FN1: variants seen among roughly 807,000 people sequenced by gnomAD.
FN1 encodes fibronectin 1, also known as fibronectin.
A neutral mutation model predicts 297.3 loss-of-function variants in FN1; 106 were observed. That is an observed-to-expected ratio of 0.36 (90% confidence interval 0.30 to 0.42). The LOEUF (loss-of-function observed/expected upper bound fraction) is 0.42. Ranked by LOEUF, FN1 falls within the 10% of genes least tolerant of loss-of-function variation. The pLI, the probability that FN1 is intolerant of heterozygous loss-of-function variation, is 1.00. For missense variants in FN1, 2,690 were observed against 3,124.9 expected, an observed-to-expected ratio of 0.86 and a Z score of 3.32; for synonymous variants, 1,149 against 1,152.6, an observed-to-expected ratio of 1.00 and a Z score of 0.06.
Position 215,431,911 on chromosome 2 carries a change from G to C in FN1, c.469C>G (p.Pro157Ala), listed in dbSNP as rs764602317. The C allele has an allele frequency of 1.9e-6, 3 of 1,614,004 alleles. No individual in the cohort carries two copies. The Admixed American group carries it at 5.0e-5, about 27-fold the overall frequency. The change falls in exon 4 of 46, where the codon CCA (proline) becomes GCA (alanine). Residue 157 changes from proline (P) to alanine (A), a missense_variant. Pro to Ala is a conservative substitution (Grantham distance 27). Coordinates refer to ENST00000354785, the MANE Select transcript of FN1 (RefSeq NM_212482.4). ...SYKIGDTWRR[P>A]HETGGYMLEC... ...AACATGTAACCACCAGTCTCATGTG[G>C]TCTCCTCCAGGTGTCACCAATCTTG... is the stretch of plus-strand genomic sequence containing the variant.
At position 215,409,809 on chromosome 2, in the gene FN1, A is replaced by G; in HGVS notation, c.2123-70T>C. 5 of 1,597,446 alleles carry G rather than the reference A, an allele frequency of 3.1e-6. No homozygotes were observed. In the East Asian group the frequency reaches 8.9e-5, roughly 29 times the overall value. ...AAAATTTACCGTCCTCGTCGCCAAC[A>G]TCATTTTAAAAAACGTTGGTGCCCC... On this transcript the variant is annotated intron_variant, in intron 14 of 45. Transcript: ENST00000354785.
intron 32 of FN1, chr2:215,381,371 T>G (rs1360185178): frequency 2.2e-6 from 1 of 447,006 alleles, no homozygotes; most frequent in African/African-American, 2.0e-5. Context: ...TCTACCACGA[T>G]TTGATTTTTA....
chr2:215,394,662 A>G lies in FN1; in HGVS notation c.3662T>C (p.Leu1221Ser), dbSNP rs2106113764. 1 of 1,614,178 alleles carries G rather than the reference A, an allele frequency of 6.2e-7. No individual in the cohort carries two copies. Among genetic ancestry groups the G allele is most frequent in the African/African-American group, 1.3e-5 (1 of 75,052 alleles). ...CTGATCAGCATGGACCACTTCTTCCAAAGAATTTCCCTGCTGGCCGTTTGT... is the reference window on the plus strand; with the variant it reads ...CTGATCAGCATGGACCACTTCTTCCGAAGAATTTCCCTGCTGGCCGTTTGT... ...TPTNGQQGNSLEEVVHADQSS... is the reference protein window; with the variant it reads ...TPTNGQQGNSSEEVVHADQSS... The change falls in exon 24 of 46, where the codon TTG becomes TCG. Residue 1221 changes from leucine (L) to serine (S), a missense_variant. This residue lies in a region of FN1 where 1,743 missense variants were observed against 1,945.2 expected (regional missense o/e 0.90). Coordinates refer to ENST00000354785, the MANE Select transcript of FN1 (RefSeq NM_212482.4).
intron 26 of FN1, among the ~76,000 whole-genome samples, 160 bp downstream of exon 26, chr2:215,391,472 T>G (rs1365240171): frequency 6.6e-6 from 1 of 152,232 alleles, no homozygotes; most frequent in African/African-American, 2.4e-5. Flanking sequence ...CAACAAACAT[T>G]ACATCTTTCA....
Position 215,381,050 on chromosome 2 carries a change from G to T in FN1, c.5195C>A (p.Thr1732Asn). ...NIDRPKGLAF[T>N]DVDVDSIKIA... ...TTTGATGGAATCGACATCCACATCA[G>T]TGAATGCCAGTCCTTTAGGGCGATC... The change falls in exon 33 of 46, where the codon ACT (threonine) becomes AAT (asparagine). Residue 1732 changes from threonine to asparagine, a missense_variant. Thr to Asn is a moderately conservative substitution (Grantham distance 65). Transcript: ENST00000354785. 1 of 1,614,188 alleles carries T rather than the reference G, an allele frequency of 6.2e-7. No homozygotes were observed. The highest frequency in any genetic ancestry group is 8.5e-7 in the Non-Finnish European group (1 of 1,180,004).
intron 24 of FN1, chr2:215,393,446 T>TTA (rs1553622019): frequency 3.9e-5 from 6 of 153,908 alleles, no homozygotes; most frequent in African/African-American, 1.6e-4. Context: ...ATATATATAT[T>TTA]TTTTACATTT....
chr2:215,412,541 A>G (rs2062807503), intron 13 of FN1, among the ~76,000 whole-genome samples: 1 of 152,078 alleles, frequency 6.6e-6, no homozygotes, highest in Non-Finnish European at 1.5e-5. Context: ...AGCTCAAGCG[A>G]TCCTTCCGCC....
At chr2:215,419,748 T>G (rs1205626179) in intron 11 of FN1, among the ~76,000 whole-genome samples, 1 of 152,190 alleles carries the variant, frequency 6.6e-6, no homozygotes, top group African/African-American at 2.4e-5. Flanking sequence ...AAGAAAAAAA[T>G]CTGCAATAAT....
intron 28 of FN1, among the ~76,000 whole-genome samples, chr2:215,386,054 GC>G (rs2058930119): frequency 6.7e-6 from 1 of 148,376 alleles, no homozygotes; most frequent in African/African-American, 2.5e-5. Context: ...GGGATTACAA[GC>G]GTGAGCCATT....
chr2:215,384,792 G>T, intron 29 of FN1, 68 bp downstream of exon 29: 1 of 1,100,318 alleles, frequency 9.1e-7, no homozygotes, highest in Non-Finnish European at 1.4e-6. Context: ...GTTCACTGTT[G>T]GGCTTTCAGG....
Position 215,372,357 on chromosome 2 carries a change from A to G in FN1, c.6266T>C (p.Val2089Ala). The stretch of plus-strand genomic sequence containing the variant: ...ATGAAGATTGGGGTGTGGAAGGGTT[A>G]CCAGTTGGGGAAGCTCGTCTAGCCG... Reference protein sequence around the residue: ...RKKTDELPQLVTLPHPNLHGP... With the variant: ...RKKTDELPQLATLPHPNLHGP... The change falls in exon 40 of 46, where the codon GTA (valine) becomes GCA (alanine). Residue 2089 changes from valine (V) to alanine (A), a missense_variant. Physicochemically the swap from Val to Ala is moderately conservative, Grantham distance 64 (BLOSUM62 0). Around this residue, in one of 3 missense-constraint regions of FN1, gnomAD observed 1,743 missense variants for 1,945.2 expected, o/e 0.90. Transcript: ENST00000354785. The G allele has an allele frequency of 6.2e-7, 1 of 1,614,192 alleles. No homozygotes were observed.
At chr2:215,399,539 C>T (rs1372926666) in intron 20 of FN1, among the ~76,000 whole-genome samples, 188 bp from the exon 21 acceptor site, 1 of 152,146 alleles carries the variant, frequency 6.6e-6, no homozygotes, top group African/African-American at 2.4e-5. Context: ...GTGCCACACA[C>T]ATCATCTGGG....
chr2:215,399,158 C>A lies in FN1; in HGVS notation c.3348+99G>T, dbSNP rs898438839. The A allele has an allele frequency of 9.2e-6, 8 of 868,146 alleles. No homozygotes were observed. The East Asian group carries it at 1.7e-4, about 18-fold the overall frequency. 53.8% of individuals were successfully genotyped at this position (868,146 alleles called of 1,614,324 possible). On this transcript the variant is annotated intron_variant, in intron 21 of 45. Coordinates refer to ENST00000354785, the MANE Select transcript of FN1 (RefSeq NM_212482.4). Reference sequence around the variant, plus strand: ...TATGGACAGAAGCAGGTGACAAAACCCAGGTCTCCTGACTCCTGAGCACCC... The same window carrying A: ...TATGGACAGAAGCAGGTGACAAAACACAGGTCTCCTGACTCCTGAGCACCC...
chr2:215,367,723 T>A, intron 42 of FN1, 140 bp downstream of exon 42: 1 of 843,328 alleles, frequency 1.2e-6, no homozygotes, highest in South Asian at 1.5e-5. Context: ...AAAATATTAC[T>A]TCGAGTCAAA....
rs1358783973 is a variant in FN1 at position 215,434,703 on chromosome 2, T to C, written c.270A>G (p.Lys90=). The C allele has an allele frequency of 3.7e-6, 6 of 1,614,046 alleles. No individual in the cohort carries two copies. The South Asian group carries it at 6.6e-5, about 18-fold the overall frequency. The change falls in exon 2 of 46, where the codon AAA becomes AAG. Residue 90 remains lysine (K), a synonymous_variant. Coordinates refer to ENST00000354785, the MANE Select transcript of FN1 (RefSeq NM_212482.4). ...GGGCTTGTTGTCACTTACCTTCAGG[T>C]TTACTCTCGCAGTTAAAACCTCGGC... ...GGSRGFNCES[K]PEAEETCFDK...
In FN1 at chr2:215,406,328, C is replaced by G. The variant is rs141400341; in HGVS notation, c.2896G>C (p.Gly966Arg). ...ISRNTFAEVT[G>R]LSPGVTYYFK... ...TAATAGGTGACCCCAGGGGACAGCC[C>G]GGTGACTTCTGCAAAGGTGTTCCTG... The change falls in exon 19 of 46, where the codon GGG becomes CGG. Residue 966 changes from glycine to arginine, a missense_variant. This residue lies in a region of FN1 where 1,743 missense variants were observed against 1,945.2 expected (regional missense o/e 0.90). Transcript: ENST00000354785. The G allele has an allele frequency of 6.2e-7, 1 of 1,614,182 alleles. No individual in the cohort carries two copies. Among genetic ancestry groups the G allele is most frequent in the Admixed American group, 1.7e-5 (1 of 60,028 alleles).
chr2:215,395,443 G>A (rs1173743209), intron 23 of FN1, among the ~76,000 whole-genome samples: 1 of 151,854 alleles, frequency 6.6e-6, no homozygotes, highest in Non-Finnish European at 1.5e-5. Context: ...GGAGGCTGAG[G>A]CACGAGAATC....
intron 35 of FN1, 129 bp downstream of exon 35, chr2:215,378,046 G>C: frequency 1.4e-6 from 1 of 710,750 alleles, no homozygotes; most frequent in Non-Finnish European, 2.6e-6. Flanking sequence ...GGCCTCAAGT[G>C]ACGCTCCCGC....
At position 215,425,228 on chromosome 2, in the gene FN1, T is replaced by A. The variant is rs144227030; in HGVS notation, c.902A>T (p.Gln301Leu). 3.1e-6 allele frequency: 5 copies of A among 1,613,932 alleles called. No individual in the cohort carries two copies. Among genetic ancestry groups the A allele is most frequent in the Non-Finnish European group, 8.5e-7 (1 of 1,180,020 alleles). ...AAVYQPQPHP[Q>L]PPPYGHCVTD... ...GACACAGTGGCCATAGGGAGGAGGC[T>A]GGGGGTGAGGCTGCGGTTGGTAAAC... The change falls in exon 7 of 46, where the codon CAG becomes CTG. Residue 301 changes from glutamine (Q) to leucine (L), a missense_variant. By Grantham distance (113) the Gln-to-Leu change is moderately radical. Transcript: ENST00000354785.
Sources: gnomAD v4.1 joint callset for allele counts (sites outside exome capture counted in the v4.1 genomes callset) on GRCh38, gnomAD v4.1.1 for gene constraint, gnomAD v4.1.1 regional missense constraint, MANE v1.5 for transcripts, NCBI Gene and HGNC (gene_info 2026-07-23, HGNC 2026-07-21) for gene names.